KIF15: variants seen among roughly 807,000 people sequenced by gnomAD.
The protein encoded by KIF15 is kinesin-like protein KIF15.
Under a neutral mutation model 190.6 loss-of-function variants are expected in KIF15, and 140 were observed. The observed-to-expected ratio is 0.73, with a 90% confidence interval of 0.64 to 0.84. The LOEUF is 0.84. KIF15 is among the 40% of genes least tolerant of loss of function. KIF15 has a pLI of 0.00. For synonymous variants in KIF15, 528 were observed against 551.3 expected (o/e 0.96, Z 0.59); for missense variants, 1,372 against 1,584.4 (o/e 0.87, Z 2.28).
chr3:44,779,889 A>T (rs2125910256), intron 4 of KIF15, among the ~76,000 whole-genome samples: 1 of 150,782 alleles, frequency 6.6e-6, no homozygotes, highest in South Asian at 2.1e-4. Flanking sequence ...TCTCATTCTG[A>T]GTTACTAAAG....
chr3:44,835,524 G>A (rs1698268179), intron 26 of KIF15, among the ~76,000 whole-genome samples: 1 of 152,084 alleles, frequency 6.6e-6, no homozygotes, highest in African/African-American at 2.4e-5. Context: ...GATTACAGGT[G>A]TGAGCCACCA....
At chr3:44,828,173 G>A (rs756999190) in intron 23 of KIF15, 41 bp from the exon 24 acceptor site, 7 of 1,441,040 alleles carry the variant, frequency 4.9e-6, no homozygotes, top group South Asian at 2.3e-5. Context: ...TTAACTTTGC[G>A]ATTTAATTAT....
intron 21 of KIF15, 47 bp downstream of exon 21, chr3:44,826,236 T>A (rs752964208): frequency 6.4e-7 from 1 of 1,559,884 alleles, no homozygotes; most frequent in South Asian, 1.2e-5. Context: ...ACTGTCCTTT[T>A]GAGTGTAGGA....
At chr3:44,852,096 G>T in intron 33 of KIF15, 112 bp from the exon 34 acceptor site, 1 of 1,442,066 alleles carries the variant, frequency 6.9e-7, no homozygotes, top group Non-Finnish European at 9.4e-7. Flanking sequence ...TGAAAGCTGG[G>T]ATTCTGGACT....
At chr3:44,836,445 T>C (rs1334977632) in intron 26 of KIF15, among the ~76,000 whole-genome samples, 3 of 152,034 alleles carry the variant, frequency 2.0e-5, no homozygotes, top group Admixed American at 6.5e-5. Context: ...TCTGAAAATA[T>C]CTTGATATAA....
At chr3:44,787,613 A>C (rs1045574654) in intron 7 of KIF15, among the ~76,000 whole-genome samples, 1 of 152,040 alleles carries the variant, frequency 6.6e-6, no homozygotes, top group Non-Finnish European at 1.5e-5. Context: ...TTTTTATTGG[A>C]ATTACATTGC....
chr3:44,792,982 C>T (rs907330301), intron 7 of KIF15, among the ~76,000 whole-genome samples: 15 of 152,062 alleles, frequency 9.9e-5, no homozygotes, highest in Non-Finnish European at 2.9e-5. Context: ...ATACTGTTAC[C>T]CTCCTACCCA....
rs147565790 is a variant in KIF15 at position 44,841,687 on chromosome 3, C to T, written c.3585+449C>T. ...TGCTGGGATTACAGGTGTGAGCCAC[C>T]GCGCCTGGCCAATTTAATTTTTTAA... is the stretch of plus-strand genomic sequence containing the variant. On this transcript the variant is annotated intron_variant, in intron 29 of 34. Coordinates refer to ENST00000326047, the MANE Select transcript of KIF15 (RefSeq NM_020242.3). Among the ~76,000 whole-genome samples, 879 of 152,156 alleles carry T rather than the reference C, an allele frequency of 5.8e-3. 3 individuals carry two copies. Among genetic ancestry groups the T allele is most frequent in the Middle Eastern group, 0.02 (6 of 294 alleles).
chr3:44,778,671 A>G (rs1706011917), intron 4 of KIF15, among the ~76,000 whole-genome samples: 1 of 152,084 alleles, frequency 6.6e-6, no homozygotes, highest in Admixed American at 6.5e-5. Context: ...TATATATATA[A>G]CTTTTTTTTG....
chr3:44,826,258 C>T, intron 21 of KIF15, 69 bp downstream of exon 21: 3 of 1,557,362 alleles, frequency 1.9e-6, no homozygotes, highest in Middle Eastern at 3.4e-4. Context: ...AAGGACTGTC[C>T]TTTCCTCCTT....
At chr3:44,804,758 A>G (rs35936638) in intron 14 of KIF15, among the ~76,000 whole-genome samples, 2 of 152,166 alleles carry the variant, frequency 1.3e-5, no homozygotes, top group African/African-American at 2.4e-5. Context: ...GTGGCCCAAA[A>G]TTGATACCTG....
At chr3:44,852,157 A>G in intron 33 of KIF15, 51 bp from the exon 34 acceptor site, 1 of 1,572,866 alleles carries the variant, frequency 6.4e-7, no homozygotes, top group South Asian at 1.2e-5. Flanking sequence ...ACTTTAAAAG[A>G]AAATTAAGAC....
At chr3:44,821,521 C>G (rs1387475904) in intron 20 of KIF15, among the ~76,000 whole-genome samples, 2 of 150,302 alleles carry the variant, frequency 1.3e-5, no homozygotes, top group Admixed American at 1.3e-4. Flanking sequence ...ACATCTCAGA[C>G]GATGAGTGGC....
chr3:44,865,959 C>A (rs976686670), intron 6 of KIF15, among the ~76,000 whole-genome samples: 3 of 152,256 alleles, frequency 2.0e-5, no homozygotes, highest in African/African-American at 7.2e-5. Context: ...GTTCAGAGGT[C>A]CCTCCATTCC....
intron 7 of KIF15, among the ~76,000 whole-genome samples, chr3:44,793,882 C>CT (rs557589917): frequency 3.1e-3 from 407 of 132,366 alleles, no homozygotes; most frequent in Middle Eastern, 0.027. Context: ...TTCTCTTTTC[C>CT]TTTTTTTTTT....
chr3:44,864,984 T>C, intron 6 of KIF15: 2 of 1,604,790 alleles, frequency 1.2e-6, no homozygotes, highest in Non-Finnish European at 1.7e-6. Context: ...CCCAGGAGAG[T>C]GAGGTTGTGC....
intron 6 of KIF15, chr3:44,863,823 T>C (rs1317241457): frequency 4.6e-6 from 1 of 219,488 alleles, no homozygotes; most frequent in Non-Finnish European, 9.2e-6. Flanking sequence ...CTAGGCTTAC[T>C]ACCTACGGAG....
chr3:44,860,008 GAT>G (rs1265672960), intron 6 of KIF15, among the ~76,000 whole-genome samples: 2 of 152,102 alleles, frequency 1.3e-5, no homozygotes, highest in Non-Finnish European at 2.9e-5. Context: ...GATTAACAAC[GAT>G]GTAGTCCCTG....
At chr3:44,830,493 C>T (rs1429520300) in intron 25 of KIF15, among the ~76,000 whole-genome samples, 1 of 152,132 alleles carries the variant, frequency 6.6e-6, no homozygotes, top group African/African-American at 2.4e-5. Context: ...AAAGTGAGTT[C>T]GTTTCCGCAA....
Sources: gnomAD v4.1 joint callset for allele counts (sites outside exome capture counted in the v4.1 genomes callset) on GRCh38, gnomAD v4.1.1 for gene constraint, MANE v1.5 for transcripts, NCBI Gene and HGNC (gene_info 2026-07-23, HGNC 2026-07-21) for gene names.